Variants in OR1B1 observed in about 807,000 individuals in gnomAD.
The protein encoded by OR1B1 is olfactory receptor 1B1.
For missense variants in OR1B1, 414 were observed against 402.1 expected, an observed-to-expected ratio of 1.03 and a Z score of -0.25; for synonymous variants, 168 against 156.2, an observed-to-expected ratio of 1.08 and a Z score of -0.57.
At chr9:122,633,365 G>A (rs918554105), upstream of OR1B1, among the ~76,000 whole-genome samples, 1 of 151,946 alleles carries the variant, frequency 6.6e-6, no homozygotes, top group Non-Finnish European at 1.5e-5. Flanking sequence ...AAATACAAGG[G>A]GGAGACTCCT....
At chr9:122,630,099 A>G (rs535997841), upstream of OR1B1, among the ~76,000 whole-genome samples, 34 of 152,330 alleles carry the variant, frequency 2.2e-4, no homozygotes, top group South Asian at 6.6e-3. Context: ...TACCACTCCT[A>G]TTCAACATAG....
chr9:122,634,523 A>G (rs1189696709), upstream of OR1B1, among the ~76,000 whole-genome samples: 1 of 152,036 alleles, frequency 6.6e-6, no homozygotes, highest in Non-Finnish European at 1.5e-5. Context: ...TCACAAGGCA[A>G]CAGGAGAGAG....
At chr9:122,644,260 CA>C in the OR1B1 span, among the ~76,000 whole-genome samples, 2 of 151,860 alleles carry the variant, frequency 1.3e-5, no homozygotes, top group Non-Finnish European at 2.9e-5. Flanking sequence ...GGCCTAGCAG[CA>C]TTCACCACAA....
the OR1B1 span, among the ~76,000 whole-genome samples, chr9:122,647,203 A>T: frequency 6.6e-6 from 1 of 152,342 alleles, no homozygotes; most frequent in South Asian, 2.1e-4. Flanking sequence ...GTTGCAAAAC[A>T]AGTCTTAAAA....
chr9:122,646,568 C>T, the OR1B1 span, among the ~76,000 whole-genome samples: 47 of 149,690 alleles, frequency 3.1e-4, no homozygotes, highest in African/African-American at 1.1e-3. Flanking sequence ...TTACATCAGA[C>T]AAAATAGCCT....
chr9:122,654,854 C>T, the OR1B1 span, among the ~76,000 whole-genome samples: 1 of 152,194 alleles, frequency 6.6e-6, no homozygotes, highest in African/African-American at 2.4e-5. Flanking sequence ...GATTTCCCCC[C>T]TTTGTAAGGC....
chr9:122,648,058 A>T, the OR1B1 span, among the ~76,000 whole-genome samples: 8 of 151,982 alleles, frequency 5.3e-5, no homozygotes, highest in African/African-American at 1.4e-4. Context: ...ATTATTCCTT[A>T]AAAAAAATAC....
the OR1B1 span, among the ~76,000 whole-genome samples, chr9:122,647,804 C>T: frequency 1.3e-5 from 2 of 152,122 alleles, no homozygotes; most frequent in Admixed American, 6.5e-5. Flanking sequence ...GCATGATGCC[C>T]AAAGCAAGCA....
the OR1B1 span, among the ~76,000 whole-genome samples, chr9:122,645,421 T>A: frequency 4.0e-5 from 6 of 151,664 alleles, no homozygotes; most frequent in Admixed American, 2.6e-4. Flanking sequence ...ATATCAACAT[T>A]CAAGTACAAG....
chr9:122,638,782 G>A, the OR1B1 span, among the ~76,000 whole-genome samples: 2 of 152,156 alleles, frequency 1.3e-5, no homozygotes, highest in Non-Finnish European at 2.9e-5. Context: ...TCTCACTATA[G>A]CAAGTTCTAC....
the OR1B1 span, among the ~76,000 whole-genome samples, chr9:122,645,024 CAAAG>C: frequency 6.6e-6 from 1 of 152,002 alleles, no homozygotes; most frequent in Non-Finnish European, 1.5e-5. Flanking sequence ...TGAGGAAACT[CAAAG>C]AAATTCAAGA....
the OR1B1 span, among the ~76,000 whole-genome samples, chr9:122,643,724 G>A: frequency 6.6e-6 from 1 of 152,220 alleles, no homozygotes; most frequent in Non-Finnish European, 1.5e-5. Context: ...TTCTGCTTAT[G>A]GAGAGGAGAA....
chr9:122,634,694 G>A, the OR1B1 span, among the ~76,000 whole-genome samples: 1 of 152,118 alleles, frequency 6.6e-6, no homozygotes, highest in African/African-American at 2.4e-5. Context: ...ATTTGGGTGG[G>A]GACACAGGGC....
the OR1B1 span, among the ~76,000 whole-genome samples, chr9:122,640,969 A>G: frequency 6.6e-6 from 1 of 152,228 alleles, no homozygotes; most frequent in African/African-American, 2.4e-5. Context: ...AGAAAGAAGA[A>G]TAAATATTAG....
At chr9:122,644,090 T>G in the OR1B1 span, among the ~76,000 whole-genome samples, 5 of 151,996 alleles carry the variant, frequency 3.3e-5, no homozygotes, top group Non-Finnish European at 7.4e-5. Flanking sequence ...GAAAAGTAAA[T>G]GGGACTTTGT....
chr9:122,634,199 G>C (rs527612168), upstream of OR1B1, among the ~76,000 whole-genome samples: 1 of 151,986 alleles, frequency 6.6e-6, no homozygotes, highest in Admixed American at 6.6e-5. Context: ...AGCCAGGCGT[G>C]GTGGCACATA....
upstream of OR1B1, among the ~76,000 whole-genome samples, chr9:122,634,076 C>T (rs1830231863): frequency 6.6e-6 from 1 of 152,164 alleles, no homozygotes; most frequent in Non-Finnish European, 1.5e-5. Flanking sequence ...GTGGCACATG[C>T]CTGTAATCCC....
chr9:122,631,609 G>A (rs1830204349), upstream of OR1B1, among the ~76,000 whole-genome samples: 1 of 152,200 alleles, frequency 6.6e-6, no homozygotes, highest in African/African-American at 2.4e-5. Flanking sequence ...GATGGCAGGT[G>A]ACAGGTGGCA....
At chr9:122,630,639 C>T (rs1284780722), upstream of OR1B1, among the ~76,000 whole-genome samples, 1 of 152,160 alleles carries the variant, frequency 6.6e-6, no homozygotes, top group Non-Finnish European at 1.5e-5. Context: ...TTGTATGGAA[C>T]TTTCATTATT....
Sources: allele counts gnomAD v4.1 joint callset (sites outside exome capture counted in the v4.1 genomes callset), GRCh38; gene constraint gnomAD v4.1.1; transcripts MANE v1.5; gene names NCBI Gene and HGNC (gene_info 2026-07-23, HGNC 2026-07-21).